The following PPP1R17 variants were observed in gnomAD, a reference collection of about 807,000 sequenced individuals.
PPP1R17 encodes protein phosphatase 1 regulatory subunit 17.
Under a neutral mutation model 15.9 loss-of-function variants are expected in PPP1R17, and 12 were observed. The ratio of observed to expected loss-of-function variants is 0.75; its 90% CI spans 0.48 to 1.22. The LOEUF is 1.22. Ranked by LOEUF, PPP1R17 falls within the 50% of genes most tolerant of loss-of-function variation. The pLI is 0.00. For synonymous variants in PPP1R17, 63 were observed against 64.5 expected (o/e 0.98, Z 0.11); for missense variants, 211 against 187.3 (o/e 1.13, Z -0.74).
intron 2 of PPP1R17, among the ~76,000 whole-genome samples, chr7:31,693,501 AC>A (rs1792444763): frequency 6.6e-6 from 1 of 152,156 alleles, no homozygotes; most frequent in African/African-American, 2.4e-5. Context: ...CCAGCAGTGT[AC>A]CCCTCAGCTT....
At chr7:31,690,154 G>A (rs903105875) in intron 1 of PPP1R17, among the ~76,000 whole-genome samples, 4 of 152,194 alleles carry the variant, frequency 2.6e-5, no homozygotes, top group East Asian at 1.9e-4. Context: ...TGGACCTCCC[G>A]TGGCTAAGCA....
rs530002385 is a variant in PPP1R17 at position 31,688,143 on chromosome 7, GT to G, written c.-37+838del. On this transcript the variant is annotated intron_variant, in intron 1 of 4. Coordinates refer to ENST00000342032, the MANE Select transcript of PPP1R17 (RefSeq NM_006658.5). The stretch of plus-strand genomic sequence containing the variant: ...CTCACACTCACGAAAATATCAGTGT[GT>G]AGGACCTGGGCTCGGGACTCCATGC... Among the ~76,000 whole-genome samples, 289 of 152,294 alleles carry G rather than the reference GT, an allele frequency of 1.9e-3. 3 individuals carry two copies. Among genetic ancestry groups the G allele is most frequent in the African/African-American group, 6.7e-3 (278 of 41,548 alleles).
chr7:31,687,666 C>G (rs1390092761), intron 1 of PPP1R17, among the ~76,000 whole-genome samples: 1 of 152,226 alleles, frequency 6.6e-6, no homozygotes, highest in African/African-American at 2.4e-5. Context: ...AAGTCAGTCT[C>G]TCCTCCAGGA....
At chr7:31,691,919 G>A (rs1192661296) in intron 1 of PPP1R17, among the ~76,000 whole-genome samples, 1 of 151,812 alleles carries the variant, frequency 6.6e-6, no homozygotes, top group Non-Finnish European at 1.5e-5. Context: ...AAGTCAGCAG[G>A]ACTGGACCTG....
chr7:31,691,968 T>A (rs1189969175), intron 1 of PPP1R17, among the ~76,000 whole-genome samples: 2 of 152,182 alleles, frequency 1.3e-5, no homozygotes, highest in Admixed American at 1.3e-4. Flanking sequence ...GTGACTAAAT[T>A]AATTAAATTT....
chr7:31,699,641 G>T lies in PPP1R17; in HGVS notation c.388+2524G>T, dbSNP rs1038803630. Reference sequence around the variant, plus strand: ...TTTTTGTGCTTTTCAGATATTGGTGGTTTTTTTTTTAACCAAATTGGATGT... The same window carrying T: ...TTTTTGTGCTTTTCAGATATTGGTGTTTTTTTTTTTAACCAAATTGGATGT... On this transcript the variant is annotated intron_variant, in intron 4 of 4. Coordinates refer to ENST00000342032, the MANE Select transcript of PPP1R17 (RefSeq NM_006658.5). Among the ~76,000 whole-genome samples the T allele has an allele frequency of 6.1e-5, 9 of 147,790 alleles. No individual in the cohort carries two copies. The South Asian group carries it at 8.7e-4, about 14-fold the overall frequency.
rs1792484261 is a variant in PPP1R17 at position 31,694,387 on chromosome 7, A to ACACACACACACACACACAC, written c.83-1082_83-1081insCACACACACACACACACAC. ...ATTTTAGCTCTCTCTCTCTCTCTCA[A>ACACACACACACACACACAC]ACACACACACACACACACACACACA... On this transcript the variant is annotated intron_variant, in intron 2 of 4. Coordinates refer to ENST00000342032, the MANE Select transcript of PPP1R17 (RefSeq NM_006658.5). Among the ~76,000 whole-genome samples, 6 of 141,676 alleles carry ACACACACACACACACACAC rather than the reference A, an allele frequency of 4.2e-5. 1 individual carries two copies. In the South Asian group the frequency reaches 6.9e-4, roughly 16 times the overall value. 92.9% of individuals were successfully genotyped at this position (141,676 alleles called of 152,430 possible).
At chr7:31,691,814 A>AAC (rs1043362179) in intron 1 of PPP1R17, among the ~76,000 whole-genome samples, 1 of 151,206 alleles carries the variant, frequency 6.6e-6, no homozygotes, top group African/African-American at 2.4e-5. Flanking sequence ...AAAAAAAAAA[A>AAC]AAAAAAAACC....
chr7:31,707,007 T>C (rs1386213880), intron 4 of PPP1R17, among the ~76,000 whole-genome samples, 197 bp from the exon 5 acceptor site: 1 of 152,200 alleles, frequency 6.6e-6, no homozygotes, highest in African/African-American at 2.4e-5. Flanking sequence ...ACCAGAATCG[T>C]GTCCTCATTG....
chr7:31,692,529 C>G lies in PPP1R17; in HGVS notation c.82+6C>G. The stretch of plus-strand genomic sequence containing the variant: ...CCCTCGTTGCAGCCACTTAGGTAAA[C>G]AAATGATCGATTGTGAATGTCAGTG... On this transcript the variant is annotated splice_donor_region_variant and intron_variant, in intron 2 of 4. Coordinates refer to ENST00000342032, the MANE Select transcript of PPP1R17 (RefSeq NM_006658.5). The G allele has an allele frequency of 6.3e-7, 1 of 1,587,196 alleles. No individual in the cohort carries two copies. The highest frequency in any genetic ancestry group is 1.3e-5 in the African/African-American group (1 of 74,340).
At chr7:31,700,898 T>G (rs889927316) in intron 4 of PPP1R17, among the ~76,000 whole-genome samples, 7 of 152,144 alleles carry the variant, frequency 4.6e-5, no homozygotes, top group Non-Finnish European at 1.0e-4. Context: ...TTAGACCTAC[T>G]GCTCCAAAAA....
At chr7:31,700,691 G>C (rs769996973) in intron 4 of PPP1R17, among the ~76,000 whole-genome samples, 2 of 152,082 alleles carry the variant, frequency 1.3e-5, no homozygotes, top group East Asian at 1.9e-4. Context: ...CAAAGGACAG[G>C]CCAACTCTCT....
intron 1 of PPP1R17, among the ~76,000 whole-genome samples, chr7:31,691,797 T>TA (rs377169335): frequency 0.06 from 5,203 of 86,426 alleles, 192 homozygotes; most frequent in African/African-American, 0.11. Context: ...ATGTAATGAT[T>TA]AAAAAAAAAA....
intron 4 of PPP1R17, among the ~76,000 whole-genome samples, chr7:31,702,696 G>A (rs1039153114): frequency 6.6e-6 from 1 of 152,194 alleles, no homozygotes; most frequent in Admixed American, 6.5e-5. Context: ...CAACTTGCAT[G>A]ATGAATTCAT....
chr7:31,688,576 CAA>C (rs1458766780), intron 1 of PPP1R17, among the ~76,000 whole-genome samples: 1 of 152,228 alleles, frequency 6.6e-6, no homozygotes, highest in African/African-American at 2.4e-5. Context: ...TTCCTGTTCT[CAA>C]AAGAGAAGGT....
At chr7:31,705,038 T>C (rs1211744827) in intron 4 of PPP1R17, among the ~76,000 whole-genome samples, 1 of 152,288 alleles carries the variant, frequency 6.6e-6, no homozygotes, top group Non-Finnish European at 1.5e-5. Flanking sequence ...TATTTTTTCA[T>C]TATAAGACAT....
intron 4 of PPP1R17, among the ~76,000 whole-genome samples, chr7:31,700,777 T>C (rs1400589522): frequency 6.6e-6 from 1 of 152,082 alleles, no homozygotes; most frequent in Non-Finnish European, 1.5e-5. Flanking sequence ...CTAGGGCCCT[T>C]ATGAATTATG....
At position 31,695,517 on chromosome 7, in the gene PPP1R17, C is replaced by T. The variant is rs1463246062; in HGVS notation, c.131C>T (p.Pro44Leu). ...AAGGACTGTGATCTCAAAAAGAAGC[C>T]TAGAAAGGGAAAAAATGTACAGGCC... ...FIKDCDLKKK[P>L]RKGKNVQATL... The change falls in exon 3 of 5, where the codon CCT (proline) becomes CTT (leucine). Residue 44 changes from proline to leucine, a missense_variant. Pro to Leu is a moderately conservative substitution (Grantham distance 98, BLOSUM62 -3). Coordinates refer to ENST00000342032, the MANE Select transcript of PPP1R17 (RefSeq NM_006658.5). 1.2e-6 allele frequency: 2 copies of T among 1,613,314 alleles called. No individual in the cohort carries two copies. Among genetic ancestry groups the T allele is most frequent in the Non-Finnish European group, 1.7e-6 (2 of 1,179,746 alleles).
chr7:31,690,153 C>T (rs534519371), intron 1 of PPP1R17, among the ~76,000 whole-genome samples: 1 of 152,266 alleles, frequency 6.6e-6, no homozygotes, highest in Non-Finnish European at 1.5e-5. Flanking sequence ...CTGGACCTCC[C>T]GTGGCTAAGC....
Sources: gnomAD v4.1 joint callset for allele counts (sites outside exome capture counted in the v4.1 genomes callset) on GRCh38, gnomAD v4.1.1 for gene constraint, MANE v1.5 for transcripts, NCBI Gene and HGNC (gene_info 2026-07-23, HGNC 2026-07-21) for gene names.